Variants in TXNRD2 observed in about 807,000 individuals in gnomAD.
TXNRD2 encodes thioredoxin reductase 2.
Under a neutral mutation model 70.8 loss-of-function variants are expected in TXNRD2, and 67 were observed. The observed-to-expected ratio is 0.95, with a 90% CI of 0.78 to 1.16. The LOEUF is 1.16. Among genes scored for constraint, TXNRD2 ranks in the 50% most tolerant of loss-of-function variants. TXNRD2 has a pLI of 0.00. For synonymous variants in TXNRD2, 301 were observed against 295.8 expected (o/e 1.02, Z -0.18); for missense variants, 644 against 719.9 (o/e 0.89, Z 1.21).
intron 11 of TXNRD2, chr22:19,895,079 G>A (rs1939436867): frequency 6.3e-7 from 1 of 1,595,310 alleles, no homozygotes; most frequent in Non-Finnish European, 8.5e-7. Flanking sequence ...GGCCAGGGAA[G>A]GCGAGGATGA....
At chr22:19,925,168 C>T (rs931268790) in intron 2 of TXNRD2, among the ~76,000 whole-genome samples, 1 of 151,800 alleles carries the variant, frequency 6.6e-6, no homozygotes, top group African/African-American at 2.4e-5. Flanking sequence ...CCTGTAGTCC[C>T]AGCTACTCAG....
intron 2 of TXNRD2, among the ~76,000 whole-genome samples, chr22:19,920,741 A>G (rs918397834): frequency 1.3e-5 from 2 of 152,220 alleles, no homozygotes; most frequent in African/African-American, 4.8e-5. Flanking sequence ...ATGCCAAGGA[A>G]AGTGTTTGAT....
At chr22:19,890,434 G>T (rs922811248) in intron 11 of TXNRD2, among the ~76,000 whole-genome samples, 4 of 152,226 alleles carry the variant, frequency 2.6e-5, no homozygotes, top group African/African-American at 4.8e-5. Context: ...ACTCCACCCT[G>T]AGAGCATGGA....
In TXNRD2 at chr22:19,898,073, A is replaced by G; in HGVS notation, c.740T>C (p.Met247Thr). 1 of 1,564,992 alleles carries G rather than the reference A, an allele frequency of 6.4e-7. No individual in the cohort carries two copies. Among genetic ancestry groups the G allele is most frequent in the Non-Finnish European group, 8.7e-7 (1 of 1,155,220 alleles). Residue 247 changes from methionine (M) to threonine (T), a missense_variant, in exon 10 of 18, where the codon ATG becomes ACG. By Grantham distance (81) the Met-to-Thr change is moderately conservative (BLOSUM62 -1). Around this residue, in one of 3 missense-constraint regions of TXNRD2, gnomAD observed 566 missense variants for 645.0 expected, o/e 0.88. Coordinates refer to ENST00000400521, the MANE Select transcript of TXNRD2 (RefSeq NM_006440.5). ...LTGIGLDTTIMMRSIPLRGFD... is the reference protein window; with the variant it reads ...LTGIGLDTTITMRSIPLRGFD... ...GCCGCGGAGGGGGATGCTGCGCATC[A>G]TGATGGTGGTGTCCAGCCCAATCCC...
intron 8 of TXNRD2, among the ~76,000 whole-genome samples, chr22:19,903,541 G>A (rs1039410065): frequency 2.0e-5 from 3 of 152,266 alleles, no homozygotes; most frequent in African/African-American, 7.2e-5. Flanking sequence ...CGGGGCCCAA[G>A]TCCCTGCCGG....
intron 9 of TXNRD2, 66 bp downstream of exon 9, chr22:19,898,983 G>C: frequency 1.3e-6 from 2 of 1,595,138 alleles, no homozygotes; most frequent in Non-Finnish European, 1.7e-6. Flanking sequence ...GCGGGTGGCA[G>C]GGAGGGACTC....
intron 2 of TXNRD2, among the ~76,000 whole-genome samples, chr22:19,928,558 A>C (rs932262298): frequency 6.6e-6 from 1 of 152,224 alleles, no homozygotes; most frequent in Admixed American, 6.5e-5. Context: ...GTTGCCTAGG[A>C]TGCAGAAGTG....
At chr22:19,923,607 G>A (rs1941000093) in intron 2 of TXNRD2, among the ~76,000 whole-genome samples, 1 of 152,132 alleles carries the variant, frequency 6.6e-6, no homozygotes, top group Non-Finnish European at 1.5e-5. Context: ...ACCAACTGTA[G>A]TTTCACGACC....
intron 8 of TXNRD2, among the ~76,000 whole-genome samples, chr22:19,906,486 G>A (rs954330249): frequency 1.3e-5 from 2 of 152,140 alleles, no homozygotes; most frequent in Non-Finnish European, 2.9e-5. Flanking sequence ...GCTGGGCGTG[G>A]TGGCGAGCGC....
intron 16 of TXNRD2, 139 bp downstream of exon 16, chr22:19,877,951 C>G: frequency 1.3e-6 from 1 of 765,746 alleles, no homozygotes; most frequent in Non-Finnish European, 2.3e-6. Context: ...TCTGAGGGGC[C>G]TGAGGAATCT....
intron 9 of TXNRD2, among the ~76,000 whole-genome samples, chr22:19,898,609 G>T (rs1939629919): frequency 6.8e-6 from 1 of 146,670 alleles, no homozygotes; most frequent in East Asian, 2.1e-4. Context: ...CTGCCTCCCA[G>T]GTTCAAGCGG....
intron 15 of TXNRD2, 42 bp from the exon 16 acceptor site, chr22:19,878,229 G>C: frequency 6.2e-7 from 1 of 1,604,916 alleles, no homozygotes; most frequent in East Asian, 2.2e-5. Flanking sequence ...GGAGGGGGCT[G>C]GGTTGCGTCC....
intron 11 of TXNRD2, among the ~76,000 whole-genome samples, chr22:19,884,730 A>C (rs1299892671): frequency 6.6e-6 from 1 of 152,162 alleles, no homozygotes; most frequent in Non-Finnish European, 1.5e-5. Context: ...ACAATGCTCA[A>C]GTCCTGGGAT....
In TXNRD2 at chr22:19,895,282, G is replaced by A. The variant is rs1352262470; in HGVS notation, c.949+125C>T. On this transcript the variant is annotated intron_variant, in intron 11 of 17. Coordinates refer to ENST00000400521, the MANE Select transcript of TXNRD2 (RefSeq NM_006440.5). ...GGTTGCTCTCGAGGTGCACTGGGGA[G>A]CGGCCAACCCGCCTGGCAGCCAGCA... 8.2e-6 allele frequency: 13 copies of A among 1,593,212 alleles called. No individual in the cohort carries two copies. In the Admixed American group the frequency reaches 1.3e-4, roughly 16 times the overall value.
intron 2 of TXNRD2, among the ~76,000 whole-genome samples, chr22:19,929,336 A>G (rs895730323): frequency 6.7e-6 from 1 of 149,580 alleles, no homozygotes. Flanking sequence ...CAAAAAAAAA[A>G]AAAAAAAAAT....
At chr22:19,903,330 G>A (rs186020125) in intron 8 of TXNRD2, among the ~76,000 whole-genome samples, 107 of 152,348 alleles carry the variant, frequency 7.0e-4, no homozygotes, top group Non-Finnish European at 1.4e-3. Flanking sequence ...TCACGCCCTC[G>A]GCCCCATCCC....
intron 2 of TXNRD2, among the ~76,000 whole-genome samples, chr22:19,927,834 C>T (rs1361192524): frequency 2.6e-5 from 4 of 152,006 alleles, no homozygotes; most frequent in African/African-American, 7.3e-5. Context: ...CTGCTAACAG[C>T]GGGAGTTCCT....
At chr22:19,894,260 A>T (rs1939391491) in intron 11 of TXNRD2, 1 of 152,288 alleles carries the variant, frequency 6.6e-6, no homozygotes, top group African/African-American at 2.4e-5. Context: ...CCCGGGCAGC[A>T]GGGAGTGAGT....
At chr22:19,911,067 T>A (rs1201462816) in intron 8 of TXNRD2, 2 of 392,032 alleles carry the variant, frequency 5.1e-6, no homozygotes, top group East Asian at 1.2e-4. Flanking sequence ...AGAGTGAGAA[T>A]TCACCTAAAA....
Sources: allele counts gnomAD v4.1 joint callset (sites outside exome capture counted in the v4.1 genomes callset), GRCh38; gene constraint gnomAD v4.1.1; regional missense constraint gnomAD v4.1.1; transcripts MANE v1.5; gene names NCBI Gene and HGNC (gene_info 2026-07-23, HGNC 2026-07-21).